The following NFASC variants were observed in gnomAD, a reference collection of about 807,000 sequenced individuals.
NFASC encodes the protein neurofascin.
A neutral mutation model predicts 147.5 loss-of-function variants in NFASC; 43 were observed. The ratio of observed to expected loss-of-function variants is 0.29; its 90% CI spans 0.23 to 0.38. The LOEUF (loss-of-function observed/expected upper bound fraction) is 0.38, where lower values mean the gene tolerates loss of function less well. Among genes scored for constraint, NFASC ranks in the 10% least tolerant of loss-of-function variants. The pLI is 1.00. For missense variants in NFASC, 1,320 were observed against 1,689.0 expected, an observed-to-expected ratio of 0.78 and a Z score of 3.83; for synonymous variants, 622 against 665.5, an observed-to-expected ratio of 0.93 and a Z score of 1.01.
chr1:204,889,463 G>C lies in NFASC; in HGVS notation c.-199-31169G>C, dbSNP rs2081966185. 3.3e-5 allele frequency among the ~76,000 whole-genome samples: 5 copies of C among 152,234 alleles called. No individual in the cohort carries two copies. The South Asian group carries it at 1.0e-3, about 32-fold the overall frequency. On this transcript the variant is annotated intron_variant, in intron 1 of 29. Transcript: ENST00000339876. Reference sequence around the variant, plus strand: ...AGTGCTTCATTACGCAGGTTAACAGGAAAAGTGAAGCAGGTGTGGTAGTTA... The same window carrying C: ...AGTGCTTCATTACGCAGGTTAACAGCAAAAGTGAAGCAGGTGTGGTAGTTA...
At chr1:204,996,215 T>C (rs2095843248) in intron 24 of NFASC, among the ~76,000 whole-genome samples, 1 of 151,928 alleles carries the variant, frequency 6.6e-6, no homozygotes, top group African/African-American at 2.4e-5. Context: ...GGGAGATGGG[T>C]GTCATGAGAG....
In NFASC at chr1:204,972,022, C is replaced by T. The variant is rs564915900; in HGVS notation, c.1136-1254C>T. On this transcript the variant is annotated intron_variant, in intron 11 of 29. Coordinates refer to ENST00000339876, the MANE Select transcript of NFASC (RefSeq NM_001005388.3). ...GATTATTGGTTGCACGAGAATTTGC[C>T]AGGCAAGGAGGTGTACAAGTTTCTG... Among the ~76,000 whole-genome samples the T allele has an allele frequency of 1.1e-4, 16 of 152,336 alleles. No individual in the cohort carries two copies. The South Asian group carries it at 2.9e-3, about 28-fold the overall frequency.
chr1:204,915,980 T>G (rs371265781), intron 1 of NFASC, among the ~76,000 whole-genome samples: 4 of 152,308 alleles, frequency 2.6e-5, no homozygotes, highest in South Asian at 4.2e-4. Context: ...CCCCAGACAC[T>G]CCCTGTCATC....
intron 2 of NFASC, among the ~76,000 whole-genome samples, chr1:204,942,677 A>G (rs1007466300): frequency 6.6e-6 from 1 of 152,184 alleles, no homozygotes; most frequent in African/African-American, 2.4e-5. Flanking sequence ...GGACCTGGAG[A>G]GACCACTTAG....
chr1:204,833,671 G>C (rs1672887139), intron 1 of NFASC, among the ~76,000 whole-genome samples: 1 of 152,166 alleles, frequency 6.6e-6, no homozygotes, highest in Non-Finnish European at 1.5e-5. Context: ...AGACAATACA[G>C]GGTCTAATTA....
chr1:204,961,148 G>A (rs1277333691), intron 8 of NFASC, among the ~76,000 whole-genome samples: 1 of 152,174 alleles, frequency 6.6e-6, no homozygotes, highest in Non-Finnish European at 1.5e-5. Context: ...CAGAGGTAGA[G>A]AGGGAAAAGC....
chr1:204,828,686 T>C lies in NFASC; in HGVS notation c.-296T>C. On this transcript the variant is annotated 5_prime_UTR_variant, in exon 1 of 30. Coordinates refer to ENST00000339876, the MANE Select transcript of NFASC (RefSeq NM_001005388.3). ...CTGGTCTCTGCCCTAATGCGGCGGCTGGCGGCGAGAGGCGCTGCAGGGGAC... is the reference window on the plus strand; with the variant it reads ...CTGGTCTCTGCCCTAATGCGGCGGCCGGCGGCGAGAGGCGCTGCAGGGGAC... The C allele has an allele frequency of 3.0e-6, 3 of 984,946 alleles. No homozygotes were observed. Among genetic ancestry groups the C allele is most frequent in the Non-Finnish European group, 3.6e-6 (3 of 829,906 alleles). 61.0% of individuals were successfully genotyped at this position (984,946 alleles called of 1,614,324 possible).
At chr1:204,882,055 C>T (rs1240866463) in intron 1 of NFASC, among the ~76,000 whole-genome samples, 2 of 152,106 alleles carry the variant, frequency 1.3e-5, no homozygotes, top group African/African-American at 4.8e-5. Flanking sequence ...GCTATAAATT[C>T]CCACTCACCC....
chr1:204,859,737 T>G (rs1170379047), intron 1 of NFASC, among the ~76,000 whole-genome samples: 1 of 152,222 alleles, frequency 6.6e-6, no homozygotes, highest in Non-Finnish European at 1.5e-5. Context: ...CTGTAACAAC[T>G]AGTAAGGGAT....
chr1:204,983,668 G>A (rs2095550827), intron 21 of NFASC, among the ~76,000 whole-genome samples: 1 of 152,186 alleles, frequency 6.6e-6, no homozygotes, highest in Non-Finnish European at 1.5e-5. Flanking sequence ...CTGGAAGCCT[G>A]AGAACAAGGG....
chr1:205,016,411 G>C lies in NFASC; in HGVS notation c.3595G>C (p.Glu1199Gln). The part of the protein sequence containing the change: ...DSLVDYGEGG[E>Q]GQFNEDGSFI... ...CCTGGTGGACTATGGCGAGGGTGGCGAGGGTCAGTTCAATGAAGACGGCTC... is the reference window on the plus strand; with the variant it reads ...CCTGGTGGACTATGGCGAGGGTGGCCAGGGTCAGTTCAATGAAGACGGCTC... Residue 1199 changes from glutamate (E) to glutamine (Q), a missense_variant, in exon 30 of 30, where the codon GAG becomes CAG. Transcript: ENST00000339876. This position sits in a 1 kb window ranked among gnomAD's most constrained non-coding sequence, Gnocchi z 5.1. 1 of 1,614,082 alleles carries C rather than the reference G, an allele frequency of 6.2e-7. No individual in the cohort carries two copies. Among genetic ancestry groups the C allele is most frequent in the East Asian group, 2.2e-5 (1 of 44,856 alleles).
At chr1:204,850,705 T>C (rs2102667477) in intron 1 of NFASC, among the ~76,000 whole-genome samples, 1 of 152,380 alleles carries the variant, frequency 6.6e-6, no homozygotes, top group Middle Eastern at 3.4e-3. Flanking sequence ...CCGCCATGAC[T>C]GTAAGTTTCC....
Position 204,921,216 on chromosome 1 carries a change from TA to T in NFASC, c.-91+477del, listed in dbSNP as rs1172336178. Among the ~76,000 whole-genome samples the T allele has an allele frequency of 2.0e-5, 3 of 152,166 alleles. No homozygotes were observed. The East Asian group carries it at 5.8e-4, about 29-fold the overall frequency. On this transcript the variant is annotated intron_variant, in intron 2 of 29. Transcript: ENST00000339876. The stretch of plus-strand genomic sequence containing the variant: ...GTAAGCAGCCAAGGCCCACAGCACT[TA>T]GCCATGCCCTGTGCCCAGGGTCTGC...
intron 2 of NFASC, among the ~76,000 whole-genome samples, chr1:204,928,395 C>T (rs1406518253): frequency 2.6e-5 from 4 of 152,166 alleles, no homozygotes; most frequent in Non-Finnish European, 4.4e-5. Context: ...CCAGTGTATC[C>T]ATTGACTGCC....
At chr1:204,950,115 C>G (rs752204186) in intron 3 of NFASC, among the ~76,000 whole-genome samples, 7 of 152,256 alleles carry the variant, frequency 4.6e-5, no homozygotes, top group African/African-American at 7.2e-5. Flanking sequence ...TGTTTCCAAT[C>G]CACTCCCTTC....
intron 2 of NFASC, among the ~76,000 whole-genome samples, chr1:204,941,044 C>G (rs1425513155): frequency 6.6e-6 from 1 of 152,188 alleles, no homozygotes; most frequent in Non-Finnish European, 1.5e-5. Context: ...AAATAGCAAC[C>G]TTACTCTGGT....
chr1:204,887,586 CTTTTTT>C (rs200468415), intron 1 of NFASC, among the ~76,000 whole-genome samples: 2 of 42,336 alleles, frequency 4.7e-5, no homozygotes, highest in South Asian at 9.0e-4. Flanking sequence ...GCCTGATTGG[CTTTTTT>C]TTTTTTTTTT....
intron 24 of NFASC, among the ~76,000 whole-genome samples, chr1:204,996,600 G>T (rs767303838): frequency 5.3e-5 from 8 of 152,230 alleles, no homozygotes; most frequent in Non-Finnish European, 7.3e-5. Context: ...AGGCTCACCC[G>T]CGCAGAGTGG....
intron 1 of NFASC, among the ~76,000 whole-genome samples, chr1:204,919,819 A>C (rs2090091041): frequency 6.6e-6 from 1 of 152,162 alleles, no homozygotes; most frequent in Non-Finnish European, 1.5e-5. Flanking sequence ...GGGTTTCACC[A>C]TGTTGGCCAT....
Sources: gnomAD v4.1 joint callset for allele counts (sites outside exome capture counted in the v4.1 genomes callset) on GRCh38, gnomAD v4.1.1 for gene constraint, Gnocchi (gnomAD v3.1) non-coding constraint, MANE v1.5 for transcripts, NCBI Gene and HGNC (gene_info 2026-07-23, HGNC 2026-07-21) for gene names.